The following WNK3 variants were observed in gnomAD, a reference collection of about 807,000 sequenced individuals.
The protein encoded by WNK3 is WNK lysine deficient protein kinase 3.
A neutral mutation model predicts 116.7 loss-of-function variants in WNK3; 18 were observed. The ratio of observed to expected loss-of-function variants is 0.15; its 90% confidence interval spans 0.11 to 0.23. WNK3 has a LOEUF of 0.23. Ranked by LOEUF, WNK3 falls within the 10% of genes least tolerant of loss-of-function variation. The pLI is 1.00. For missense variants in WNK3, 993 were observed against 1,323.8 expected, an observed-to-expected ratio of 0.75 and a Z score of 3.88; for synonymous variants, 404 against 469.4, an observed-to-expected ratio of 0.86 and a Z score of 1.80.
intron 22 of WNK3, among the ~76,000 whole-genome samples, chrX:54,209,134 A>C (rs1557143244): frequency 8.9e-6 from 1 of 111,764 alleles, no homozygotes. Flanking sequence ...CCAAGGGCCA[A>C]TCTTGCCAGC....
At chrX:54,285,598 C>T (rs957848210) in intron 10 of WNK3, among the ~76,000 whole-genome samples, 2 of 111,893 alleles carry the variant, frequency 1.8e-5, no homozygotes, top group African/African-American at 6.5e-5. Context: ...CACAGCCGCG[C>T]CTATTTGTTT....
intron 22 of WNK3, among the ~76,000 whole-genome samples, chrX:54,213,143 G>A (rs1443374225): frequency 1.8e-5 from 2 of 110,128 alleles, no homozygotes; most frequent in Admixed American, 2.0e-4. Context: ...ACCATGACGG[G>A]CTAATTTTTT....
chrX:54,247,974 TG>T (rs2068089127), intron 17 of WNK3, among the ~76,000 whole-genome samples: 1 of 111,566 alleles, frequency 9.0e-6, no homozygotes, highest in African/African-American at 3.3e-5. Flanking sequence ...CCAGGCACAG[TG>T]GCTCATGCCT....
exon 20 of WNK3, chrX:54,237,338 T>C: frequency 8.3e-7 from 1 of 1,211,135 alleles, no homozygotes; most frequent in Non-Finnish European, 1.1e-6. Flanking sequence ...GGAACTCCTT[T>C]ATTTTCTTTA....
chrX:54,338,249 C>T (rs1031514290), intron 1 of WNK3, among the ~76,000 whole-genome samples: 15 of 110,566 alleles, frequency 1.4e-4, no homozygotes, highest in Non-Finnish European at 2.3e-4. Flanking sequence ...GGTGAAACCC[C>T]GTCTCTACTG....
At chrX:54,350,125 A>C (rs1221364593) in intron 1 of WNK3, among the ~76,000 whole-genome samples, 3 of 111,856 alleles carry the variant, frequency 2.7e-5, no homozygotes, top group African/African-American at 9.7e-5. Flanking sequence ...AAAGCTAAAC[A>C]TAGGCCAGGT....
exon 3 of WNK3, chrX:54,311,256 G>A: frequency 8.3e-6 from 10 of 1,206,714 alleles, no homozygotes; most frequent in Non-Finnish European, 1.0e-5. Flanking sequence ...CTTCTTCCTT[G>A]AATCTTTGCT....
chrX:54,311,371 TA>T (rs1166862446), intron 2 of WNK3, 80 bp from the exon 3 acceptor site: 12 of 727,111 alleles, frequency 1.7e-5, no homozygotes, highest in Non-Finnish European at 2.3e-5. Context: ...CTGAATGCTT[TA>T]TTGCATATAT....
chrX:54,254,661 A>T (rs1202344843), intron 12 of WNK3, among the ~76,000 whole-genome samples: 4 of 111,889 alleles, frequency 3.6e-5, no homozygotes, highest in African/African-American at 9.7e-5. Context: ...AAGTTAGAAA[A>T]AAGACAGACT....
chrX:54,251,987 C>T (rs1557154393), intron 13 of WNK3, among the ~76,000 whole-genome samples: 1 of 106,256 alleles, frequency 9.4e-6, no homozygotes, highest in African/African-American at 3.4e-5. Flanking sequence ...ATTGCTTGAG[C>T]CCAGGAGGCG....
Position 54,292,106 on chromosome X carries a change from G to A in WNK3, c.2037+782C>T, listed in dbSNP as rs782680476. ...TAATGCTGACTTTAAGAGTCTGAAA[G>A]ACAAAAACACTTCTTATTTCTCCTA... On this transcript the variant is annotated intron_variant, in intron 10 of 23. Coordinates refer to ENST00000354646, the Ensembl canonical transcript of WNK3. 2.4e-3 allele frequency among the ~76,000 whole-genome samples: 269 copies of A among 111,693 alleles called. 2 individuals carry two copies. The highest frequency in any genetic ancestry group is 4.0e-3 in the Non-Finnish European group (215 of 53,117).
At chrX:54,336,942 A>G (rs2069246730) in intron 1 of WNK3, among the ~76,000 whole-genome samples, 1 of 111,688 alleles carries the variant, frequency 9.0e-6, no homozygotes, top group Non-Finnish European at 1.9e-5. Flanking sequence ...GAAGGTCTCT[A>G]TGAGGTTACA....
chrX:54,248,757 T>C lies in WNK3; in HGVS notation c.3591A>G (p.Ile1197Met), dbSNP rs1271947866. Reference sequence around the variant, plus strand: ...CATTCAGGTCCCTTTTGAACACTGATATATTAGCAGGCTGACTTGCAGCCA... The same window carrying C: ...CATTCAGGTCCCTTTTGAACACTGACATATTAGCAGGCTGACTTGCAGCCA... Residue 1197 changes from isoleucine to methionine, a missense_variant, in exon 17 of 24, where the codon ATA becomes ATG. Ile to Met is a conservative substitution (Grantham distance 10). Around this residue, in one of 4 missense-constraint regions of WNK3, gnomAD observed 836 missense variants for 976.5 expected, o/e 0.86. Transcript: ENST00000354646. The C allele has an allele frequency of 6.6e-6, 8 of 1,210,237 alleles. No homozygotes were observed. The African/African-American group carries it at 1.4e-4, about 21-fold the overall frequency.
intron 10 of WNK3, among the ~76,000 whole-genome samples, chrX:54,271,536 G>A (rs2068384174): frequency 8.9e-6 from 1 of 111,921 alleles, no homozygotes; most frequent in African/African-American, 3.2e-5. Flanking sequence ...AAAAACTGGT[G>A]ATCTATACTA....
chrX:54,316,018 G>A (rs1026015108), intron 2 of WNK3, among the ~76,000 whole-genome samples: 5 of 111,427 alleles, frequency 4.5e-5, no homozygotes, highest in African/African-American at 6.5e-5. Context: ...CTAAAAGACT[G>A]GTCAGCCCAC....
intron 10 of WNK3, among the ~76,000 whole-genome samples, chrX:54,274,755 C>T (rs2068421525): frequency 9.0e-6 from 1 of 111,291 alleles, no homozygotes; most frequent in African/African-American, 3.3e-5. Flanking sequence ...CCTATAATCC[C>T]AACACTTTGG....
chrX:54,215,122 A>T (rs1318346067), intron 22 of WNK3, among the ~76,000 whole-genome samples: 1 of 105,637 alleles, frequency 9.5e-6, no homozygotes, highest in African/African-American at 3.4e-5. Context: ...ATCTCAAAAA[A>T]AAAAAAAAAA....
At chrX:54,316,055 T>G (rs2068951322) in intron 2 of WNK3, among the ~76,000 whole-genome samples, 1 of 111,422 alleles carries the variant, frequency 9.0e-6, no homozygotes, top group Non-Finnish European at 1.9e-5. Flanking sequence ...CTCACACTTT[T>G]GAGGGGGCAT....
chrX:54,203,594 A>C (rs1158313162), intron 22 of WNK3, among the ~76,000 whole-genome samples: 1 of 111,618 alleles, frequency 9.0e-6, no homozygotes, highest in Non-Finnish European at 1.9e-5. Flanking sequence ...TTTTATAGAC[A>C]GTAAAACTGG....
Sources: allele counts gnomAD v4.1 joint callset (sites outside exome capture counted in the v4.1 genomes callset), GRCh38; gene constraint gnomAD v4.1.1; regional missense constraint gnomAD v4.1.1; transcripts MANE v1.5; gene names NCBI Gene and HGNC (gene_info 2026-07-23, HGNC 2026-07-21).